The following STK33 variants were observed in gnomAD, a reference collection of about 807,000 sequenced individuals.
The protein encoded by STK33 is serine/threonine-protein kinase 33.
Under a neutral mutation model 58.0 loss-of-function variants are expected in STK33, and 52 were observed. The observed-to-expected ratio is 0.90, with a 90% confidence interval of 0.72 to 1.13. The LOEUF (loss-of-function observed/expected upper bound fraction) is 1.13, where lower values mean the gene tolerates loss of function less well. Ranked by LOEUF, STK33 falls within the 50% of genes most tolerant of loss-of-function variation. The probability of loss-of-function intolerance (pLI) is 0.00; values close to 1 mark genes in which losing one functional copy is unlikely to be tolerated. For synonymous variants in STK33, 215 were observed against 200.1 expected (o/e 1.07, Z -0.63); for missense variants, 630 against 604.2 (o/e 1.04, Z -0.45).
chr11:8,472,021 G>A (rs1022666450), intron 6 of STK33, among the ~76,000 whole-genome samples: 14 of 152,066 alleles, frequency 9.2e-5, no homozygotes, highest in Non-Finnish European at 8.8e-5. Flanking sequence ...AAACTTCTGG[G>A]CTCAAGTGAT....
intron 1 of STK33, among the ~76,000 whole-genome samples, chr11:8,537,532 A>G (rs1011824849): frequency 2.6e-5 from 4 of 152,124 alleles, no homozygotes; most frequent in African/African-American, 9.7e-5. Flanking sequence ...ACTTTTCTCA[A>G]TCAAGTTGAG....
At chr11:8,403,456 C>A (rs1222557515) in intron 15 of STK33, among the ~76,000 whole-genome samples, 1 of 152,152 alleles carries the variant, frequency 6.6e-6, no homozygotes. Flanking sequence ...TATATATAAT[C>A]AAAATCTATA....
At chr11:8,411,971 G>A (rs991169674) in intron 15 of STK33, among the ~76,000 whole-genome samples, 1 of 152,278 alleles carries the variant, frequency 6.6e-6, no homozygotes, top group African/African-American at 2.4e-5. Context: ...GCGGCTGGAG[G>A]AGTGGGAGGG....
the STK33 span, among the ~76,000 whole-genome samples, chr11:8,383,299 A>G: frequency 6.6e-6 from 1 of 152,206 alleles, no homozygotes; most frequent in Non-Finnish European, 1.5e-5. Context: ...TGGCAGCTGG[A>G]GAGGCCTTTA....
At chr11:8,419,090 A>G (rs1396402433) in intron 14 of STK33, among the ~76,000 whole-genome samples, 1 of 152,202 alleles carries the variant, frequency 6.6e-6, no homozygotes, top group African/African-American at 2.4e-5. Context: ...GTTTAATTAC[A>G]TACCACTTGT....
In STK33 at chr11:8,436,148, A is replaced by G. The variant is rs760300994; in HGVS notation, c.948-9T>C. 3.3e-6 allele frequency: 5 copies of G among 1,504,298 alleles called. No individual in the cohort carries two copies. In the African/African-American group the frequency reaches 5.6e-5, roughly 17 times the overall value. The allele number at this position is 1,504,298 out of a possible 1,614,324, so 93.2% of individuals were successfully genotyped here. ...GTGGTTCTCCACGTAATCTGCAACA[A>G]AGGCAATCACTTTGTTTAAATTTTT... On this transcript the variant is annotated splice_polypyrimidine_tract_variant and intron_variant, in intron 12 of 15. Coordinates refer to ENST00000687296, the MANE Select transcript of STK33 (RefSeq NM_001352389.2).
intron 1 of STK33, among the ~76,000 whole-genome samples, chr11:8,560,626 G>T (rs1957057733): frequency 6.6e-6 from 1 of 152,014 alleles, no homozygotes; most frequent in African/African-American, 2.4e-5. Flanking sequence ...GCTTAGAAAG[G>T]CCTTCTCTGC....
At chr11:8,389,961 C>T (rs1224251170), downstream of STK33, among the ~76,000 whole-genome samples, 2 of 152,182 alleles carry the variant, frequency 1.3e-5, no homozygotes, top group African/African-American at 2.4e-5. Context: ...TCAGACTGGC[C>T]TGGAACAACC....
intron 1 of STK33, among the ~76,000 whole-genome samples, chr11:8,505,399 G>T (rs79010932): frequency 0.012 from 1,842 of 152,218 alleles, 38 homozygotes; most frequent in African/African-American, 0.042. Flanking sequence ...TGACATTCTC[G>T]GACAGATGTC....
chr11:8,579,922 T>C (rs1239867231), intron 1 of STK33, among the ~76,000 whole-genome samples: 1 of 152,166 alleles, frequency 6.6e-6, no homozygotes, highest in Non-Finnish European at 1.5e-5. Context: ...TGAGACATCA[T>C]CTCATCCCAG....
At chr11:8,540,007 C>T (rs1001853523) in intron 1 of STK33, among the ~76,000 whole-genome samples, 4 of 151,860 alleles carry the variant, frequency 2.6e-5, no homozygotes, top group Admixed American at 2.6e-4. Flanking sequence ...TGGAGGTTCC[C>T]GAAAAAATTA....
At chr11:8,500,246 T>C (rs527251658) in intron 1 of STK33, among the ~76,000 whole-genome samples, 5 of 151,980 alleles carry the variant, frequency 3.3e-5, no homozygotes, top group Admixed American at 1.3e-4. Flanking sequence ...CAGATTATGA[T>C]GGCAGAAGAA....
the STK33 span, among the ~76,000 whole-genome samples, chr11:8,358,883 G>T: frequency 1.3e-5 from 2 of 152,164 alleles, no homozygotes; most frequent in Non-Finnish European, 2.9e-5. Context: ...AATTTACAGT[G>T]GAGAGAAGGC....
At chr11:8,564,746 T>C (rs903270999) in intron 1 of STK33, among the ~76,000 whole-genome samples, 7 of 152,126 alleles carry the variant, frequency 4.6e-5, no homozygotes, top group Non-Finnish European at 8.8e-5. Context: ...AAACAAAAGA[T>C]AAATGCTATT....
chr11:8,550,354 C>T (rs2140544222), intron 1 of STK33, among the ~76,000 whole-genome samples: 1 of 152,134 alleles, frequency 6.6e-6, no homozygotes, highest in Non-Finnish European at 1.5e-5. Flanking sequence ...AATATATTGG[C>T]CAGGCTGGTC....
At chr11:8,474,633 G>A (rs758093791) in intron 5 of STK33, 48 bp downstream of exon 5, 3 of 1,393,212 alleles carry the variant, frequency 2.2e-6, no homozygotes, top group Non-Finnish European at 2.0e-6. Context: ...GTACCATTAG[G>A]GAACGGGATG....
the STK33 span, among the ~76,000 whole-genome samples, chr11:8,352,531 G>A: frequency 6.6e-6 from 1 of 152,060 alleles, no homozygotes; most frequent in Admixed American, 6.6e-5. Context: ...CAGGGGTGTC[G>A]ATCAGAATAT....
chr11:8,505,901 T>G (rs774913665), intron 1 of STK33, among the ~76,000 whole-genome samples: 7 of 152,238 alleles, frequency 4.6e-5, no homozygotes, highest in Non-Finnish European at 7.3e-5. Flanking sequence ...TAAGTTACGT[T>G]AAGCTCTGTT....
intron 1 of STK33, among the ~76,000 whole-genome samples, chr11:8,503,888 C>A (rs1168145635): frequency 2.6e-5 from 4 of 152,206 alleles, no homozygotes; most frequent in Non-Finnish European, 5.9e-5. Context: ...TCTAACACTT[C>A]TCCTGTACTT....
Sources: allele counts gnomAD v4.1 joint callset (sites outside exome capture counted in the v4.1 genomes callset), GRCh38; gene constraint gnomAD v4.1.1; transcripts MANE v1.5; gene names NCBI Gene and HGNC (gene_info 2026-07-23, HGNC 2026-07-21).